The following NDP variants were observed in gnomAD, a reference collection of about 807,000 sequenced individuals.
NDP encodes norrin cystine knot growth factor NDP.
A neutral mutation model predicts 8.4 loss-of-function variants in NDP; 2 were observed. The observed-to-expected ratio is 0.24, with a 90% confidence interval of 0.10 to 0.75. NDP has a LOEUF of 0.75. NDP is among the 30% of genes least tolerant of loss of function. The pLI is 0.73. For missense variants in NDP, 81 were observed against 110.1 expected (o/e 0.74, Z 1.18); for synonymous variants, 55 against 45.6 (o/e 1.21, Z -0.83).
intron 1 of NDP, among the ~76,000 whole-genome samples, chrX:43,970,241 C>G: frequency 8.9e-6 from 1 of 112,337 alleles, no homozygotes; most frequent in Admixed American, 9.4e-5. Context: ...CCTGCTTCCC[C>G]GCTCTGCCTT....
intron 1 of NDP, among the ~76,000 whole-genome samples, chrX:43,969,997 C>T (rs1021752990): frequency 8.9e-6 from 1 of 111,860 alleles, no homozygotes; most frequent in Non-Finnish European, 1.9e-5. Flanking sequence ...TTAGATTATG[C>T]GAAAGAAAGA....
At chrX:43,972,622 T>G (rs1013532918) in intron 1 of NDP, among the ~76,000 whole-genome samples, 15 of 111,100 alleles carry the variant, frequency 1.4e-4, no homozygotes, top group South Asian at 3.8e-4. Flanking sequence ...TCCTCGGACT[T>G]TTTGCCCAAT....
chrX:43,954,215 C>G (rs1415101064), intron 2 of NDP, among the ~76,000 whole-genome samples: 1 of 111,578 alleles, frequency 9.0e-6, no homozygotes, highest in African/African-American at 3.3e-5. Context: ...CACGGGCAGC[C>G]TCATAACTCC....
At chrX:43,965,587 A>T (rs1245416775) in intron 1 of NDP, among the ~76,000 whole-genome samples, 3 of 111,532 alleles carry the variant, frequency 2.7e-5, no homozygotes, top group African/African-American at 9.8e-5. Flanking sequence ...ATATTAATAA[A>T]TCATGCTAGG....
chrX:43,965,690 T>G (rs780288369), intron 1 of NDP, among the ~76,000 whole-genome samples: 24 of 111,813 alleles, frequency 2.1e-4, no homozygotes, highest in Non-Finnish European at 3.8e-4. Flanking sequence ...TAACTGAGCT[T>G]GAGCCACAGA....
chrX:43,968,217 G>T (rs1443317021), intron 1 of NDP, among the ~76,000 whole-genome samples: 3 of 111,762 alleles, frequency 2.7e-5, no homozygotes, highest in Non-Finnish European at 5.6e-5. Flanking sequence ...GTTGAAAATG[G>T]GTCTGGGGGT....
At chrX:43,971,884 G>A (rs1462749874) in intron 1 of NDP, among the ~76,000 whole-genome samples, 1 of 111,824 alleles carries the variant, frequency 8.9e-6, no homozygotes, top group Non-Finnish European at 1.9e-5. Flanking sequence ...AATTTGCAAT[G>A]AAAACTGGCA....
At chrX:43,967,067 C>T (rs758491859) in intron 1 of NDP, among the ~76,000 whole-genome samples, 92 of 111,191 alleles carry the variant, frequency 8.3e-4, no homozygotes, top group Middle Eastern at 4.6e-3. Flanking sequence ...CATAAAAATA[C>T]GTGTCCCTAT....
chrX:43,953,556 C>A (rs1254090143), intron 2 of NDP, among the ~76,000 whole-genome samples: 1 of 112,548 alleles, frequency 8.9e-6, no homozygotes, highest in African/African-American at 3.2e-5. Flanking sequence ...CTAGATGAAT[C>A]ACTAGATAAC....
chrX:43,965,525 G>T (rs5906306), intron 1 of NDP, among the ~76,000 whole-genome samples: 2 of 110,505 alleles, frequency 1.8e-5, no homozygotes, highest in Admixed American at 9.6e-5. Flanking sequence ...AAAATTTGTG[G>T]GGTTTCTGTC....
At chrX:43,966,188 C>A in intron 1 of NDP, among the ~76,000 whole-genome samples, 1 of 111,959 alleles carries the variant, frequency 8.9e-6, no homozygotes, top group Non-Finnish European at 1.9e-5. Context: ...AAAGCTGTGA[C>A]TGAGATGGGG....
At chrX:43,950,122 A>G (rs1486725625) in intron 2 of NDP, 96 bp from the exon 3 acceptor site, 4 of 781,402 alleles carry the variant, frequency 5.1e-6, no homozygotes, top group African/African-American at 4.2e-5. Flanking sequence ...CTCGTTGCCA[A>G]TTCCTGCTAG....
chrX:43,961,178 T>C (rs1213577116), intron 1 of NDP, among the ~76,000 whole-genome samples: 2 of 112,820 alleles, frequency 1.8e-5, no homozygotes, highest in Non-Finnish European at 3.7e-5. Flanking sequence ...TGCACCCTAT[T>C]GGCAAGGCTG....
intron 1 of NDP, among the ~76,000 whole-genome samples, chrX:43,962,552 C>T (rs750311947): frequency 5.4e-5 from 6 of 111,725 alleles, no homozygotes; most frequent in African/African-American, 1.3e-4. Flanking sequence ...GTTGTTTTCT[C>T]AAAACTAAAT....
chrX:43,958,735 C>T lies in NDP; in HGVS notation c.-90G>A, dbSNP rs1418493475. The stretch of plus-strand genomic sequence containing the variant: ...GGCTTCACCTCCTAGGATCCAGTCC[C>T]GTTCAAGGAAAGGGCAGGATCGGGC... On this transcript the variant is annotated 5_prime_UTR_variant, in exon 2 of 3. Transcript: ENST00000642620. 26 of 813,298 alleles carry T rather than the reference C, an allele frequency of 3.2e-5. No individual in the cohort carries two copies. The highest frequency in any genetic ancestry group is 7.5e-4 in the Middle Eastern group (2 of 2,661). The allele number at this position is 813,298 out of a possible 1,213,427, so 67.0% of individuals were successfully genotyped here.
At chrX:43,964,759 C>A (rs1329438616) in intron 1 of NDP, among the ~76,000 whole-genome samples, 1 of 111,837 alleles carries the variant, frequency 8.9e-6, no homozygotes, top group Non-Finnish European at 1.9e-5. Flanking sequence ...AAGTCACTTG[C>A]CTTTTCTAGG....
chrX:43,959,542 G>C (rs1323997816), intron 1 of NDP, among the ~76,000 whole-genome samples: 1 of 112,196 alleles, frequency 8.9e-6, no homozygotes, highest in Admixed American at 9.4e-5. Flanking sequence ...TGTAGCCTGG[G>C]CACATGGTGT....
At chrX:43,961,677 TA>T (rs1277321067) in intron 1 of NDP, among the ~76,000 whole-genome samples, 1 of 112,096 alleles carries the variant, frequency 8.9e-6, no homozygotes, top group African/African-American at 3.2e-5. Context: ...AAAATTTCAT[TA>T]AAAAATAAGG....
intron 2 of NDP, among the ~76,000 whole-genome samples, chrX:43,957,087 A>T (rs1278718005): frequency 4.5e-5 from 5 of 111,914 alleles, no homozygotes; most frequent in Non-Finnish European, 7.5e-5. Context: ...AATCACGATT[A>T]TGGAGGACAA....
Sources: allele counts gnomAD v4.1 joint callset (sites outside exome capture counted in the v4.1 genomes callset), GRCh38; gene constraint gnomAD v4.1.1; transcripts MANE v1.5; gene names NCBI Gene and HGNC (gene_info 2026-07-23, HGNC 2026-07-21).